Variants in CTNNA2 observed in about 807,000 individuals in gnomAD.
CTNNA2 encodes the protein catenin alpha 2.
CTNNA2 carries 42 observed loss-of-function variants against 101.0 expected under a neutral mutation model. The ratio of observed to expected loss-of-function variants is 0.42; its 90% CI spans 0.32 to 0.54. The LOEUF (loss-of-function observed/expected upper bound fraction) is 0.54, where lower values mean the gene tolerates loss of function less well. Among genes scored for constraint, CTNNA2 ranks in the 20% least tolerant of loss-of-function variants. The pLI is 0.14. For missense variants in CTNNA2, 871 were observed against 1,223.1 expected (o/e 0.71, Z 4.29); for synonymous variants, 450 against 456.4 (o/e 0.99, Z 0.18).
At chr2:79,570,995 C>T (rs529170417) in intron 1 of CTNNA2, among the ~76,000 whole-genome samples, 1 of 152,204 alleles carries the variant, frequency 6.6e-6, no homozygotes, top group South Asian at 2.1e-4. Flanking sequence ...TTGAAAAGAC[C>T]AAATGTTTGC....
At position 79,445,163 on chromosome 2, in the gene CTNNA2, TC is replaced by T. The variant is rs1282785603; in HGVS notation, c.-134-59889del. Among the ~76,000 whole-genome samples, 6 of 152,294 alleles carry T rather than the reference TC, an allele frequency of 3.9e-5. No individual in the cohort carries two copies. The East Asian group carries it at 1.2e-3, about 29-fold the overall frequency. On this transcript the variant is annotated intron_variant, in intron 4 of 21. Coordinates refer to the CTNNA2 transcript ENST00000466387. Reference sequence around the variant, plus strand: ...ACCATTATTTTTTGATACATTTTTTTCCTCAATGCTTTCTGGAGAGTAAGGA... The same window carrying T: ...ACCATTATTTTTTGATACATTTTTTTCTCAATGCTTTCTGGAGAGTAAGGA...
intron 1 of CTNNA2, among the ~76,000 whole-genome samples, chr2:79,556,011 C>T (rs569089349): frequency 6.6e-6 from 1 of 152,094 alleles, no homozygotes; most frequent in South Asian, 2.1e-4. Context: ...AACACATTAA[C>T]TTCGAGTTTC....
At chr2:79,806,949 A>G (rs1446778467) in intron 3 of CTNNA2, among the ~76,000 whole-genome samples, 2 of 152,052 alleles carry the variant, frequency 1.3e-5, no homozygotes, top group East Asian at 3.9e-4. Flanking sequence ...TCTTTATCCT[A>G]AAACAAAACT....
At chr2:80,203,578 G>A (rs1203198203) in intron 7 of CTNNA2, among the ~76,000 whole-genome samples, 1 of 152,220 alleles carries the variant, frequency 6.6e-6, no homozygotes, top group African/African-American at 2.4e-5. Flanking sequence ...GGTTCCTATA[G>A]TCTTTGGCAC....
chr2:80,347,328 T>C (rs1313015797), intron 7 of CTNNA2, among the ~76,000 whole-genome samples: 2 of 152,196 alleles, frequency 1.3e-5, no homozygotes, highest in African/African-American at 4.8e-5. Context: ...TTTATTTCTC[T>C]GAGTCCTCAT....
intron 3 of CTNNA2, among the ~76,000 whole-genome samples, chr2:79,829,360 TACACAC>T (rs55934940): frequency 0.099 from 11,137 of 112,872 alleles, 449 homozygotes; most frequent in Middle Eastern, 0.15. Context: ...CAACTAAAAC[TACACAC>T]ACACACACAC....
At chr2:79,819,337 G>A (rs968747117) in intron 3 of CTNNA2, among the ~76,000 whole-genome samples, 2 of 152,144 alleles carry the variant, frequency 1.3e-5, no homozygotes, top group South Asian at 4.1e-4. Context: ...CTTCCTGTGT[G>A]TACTGCTGTT....
At chr2:79,347,271 AT>A (rs1375094308) in intron 3 of CTNNA2, among the ~76,000 whole-genome samples, 2 of 152,180 alleles carry the variant, frequency 1.3e-5, no homozygotes, top group Non-Finnish European at 2.9e-5. Context: ...CTCAAGAGCT[AT>A]TAGTTAAGAG....
At chr2:79,390,722 C>T (rs781537892) in intron 4 of CTNNA2, among the ~76,000 whole-genome samples, 4 of 152,172 alleles carry the variant, frequency 2.6e-5, no homozygotes, top group South Asian at 2.1e-4. Context: ...CTATCTTCCA[C>T]GATGGTTGTA....
chr2:79,403,265 C>T (rs1268311040), intron 4 of CTNNA2, among the ~76,000 whole-genome samples: 1 of 151,740 alleles, frequency 6.6e-6, no homozygotes, highest in African/African-American at 2.4e-5. Flanking sequence ...CAAATTACAA[C>T]TCTAAACAAA....
intron 17 of CTNNA2, among the ~76,000 whole-genome samples, chr2:80,611,579 G>T: frequency 6.6e-6 from 1 of 151,388 alleles, no homozygotes; most frequent in East Asian, 1.9e-4. Flanking sequence ...TTGTTTGCTA[G>T]GTTTCACAGG....
chr2:80,503,745 G>A (rs1688054185), intron 9 of CTNNA2, among the ~76,000 whole-genome samples: 1 of 152,106 alleles, frequency 6.6e-6, no homozygotes, highest in African/African-American at 2.4e-5. Context: ...ACAGGTCAGT[G>A]TCAGTTTGGG....
intron 18 of CTNNA2, among the ~76,000 whole-genome samples, chr2:80,635,971 C>CTT (rs60757492): frequency 0.32 from 36,916 of 115,434 alleles, 6,506 homozygotes; most frequent in East Asian, 0.53. Flanking sequence ...ATGCCCATTG[C>CTT]TTTTTTTTTT....
In CTNNA2 at chr2:80,589,389, A is replaced by T. The variant is rs1248225147; in HGVS notation, c.2093A>T (p.Asp698Val). The change falls in exon 15 of 19, where the codon GAT (aspartate) becomes GTT (valine). Residue 698 changes from aspartate (D) to valine (V), a missense_variant. Coordinates refer to ENST00000402739, the MANE Select transcript of CTNNA2 (RefSeq NM_001282597.3). Reference protein sequence around the residue: ...EIFHQEKSKLDAEVAKWDDSG... With the variant: ...EIFHQEKSKLVAEVAKWDDSG... ...TTCCATCAAGAGAAAAGCAAGCTGG[A>T]TGCAGAAGTGGCCAAATGGGACGAC... The T allele has an allele frequency of 6.2e-7, 1 of 1,614,032 alleles. No individual in the cohort carries two copies. Among genetic ancestry groups the T allele is most frequent in the Non-Finnish European group, 8.5e-7 (1 of 1,180,004 alleles).
Position 80,582,356 on chromosome 2 carries a change from T to A in CTNNA2, c.2007+537T>A, listed in dbSNP as rs1388816053. On this transcript the variant is annotated intron_variant, in intron 14 of 18. Transcript: ENST00000402739. ...TAGAGAACTTTTTCTTTCCTCATGA[T>A]GCCTGTCTACTCCCATGGTGGTATT... 3.3e-5 allele frequency among the ~76,000 whole-genome samples: 5 copies of A among 152,194 alleles called. No homozygotes were observed. The East Asian group carries it at 5.8e-4, about 18-fold the overall frequency.
intron 4 of CTNNA2, among the ~76,000 whole-genome samples, chr2:79,495,310 G>T (rs1287025295): frequency 6.6e-6 from 1 of 151,990 alleles, no homozygotes; most frequent in African/African-American, 2.4e-5. Flanking sequence ...ATGGACAGAA[G>T]ATCTGAATAA....
chr2:79,676,595 T>C (rs958489158), intron 2 of CTNNA2, among the ~76,000 whole-genome samples: 1 of 152,104 alleles, frequency 6.6e-6, no homozygotes, highest in Admixed American at 6.5e-5. Flanking sequence ...ACCACTGTCC[T>C]TGAATACTCT....
At chr2:80,419,625 C>A in intron 9 of CTNNA2, 24 bp downstream of exon 9, 1 of 1,611,620 alleles carries the variant, frequency 6.2e-7, no homozygotes, top group Non-Finnish European at 8.5e-7. Flanking sequence ...GGCCTGAAGA[C>A]TAGAGTTTAC....
intron 6 of CTNNA2, among the ~76,000 whole-genome samples, chr2:79,887,743 G>A (rs1284988532): frequency 6.6e-6 from 1 of 152,054 alleles, no homozygotes; most frequent in African/African-American, 2.4e-5. Context: ...CATCTTTAGG[G>A]CATAGTATCA....
Sources: allele counts gnomAD v4.1 joint callset (sites outside exome capture counted in the v4.1 genomes callset), GRCh38; gene constraint gnomAD v4.1.1; transcripts MANE v1.5; gene names NCBI Gene and HGNC (gene_info 2026-07-23, HGNC 2026-07-21).